DNAH12: variants seen among roughly 807,000 people sequenced by gnomAD.
DNAH12 encodes the protein axonemal beta dynein heavy chain 12.
DNAH12 carries 285 observed loss-of-function variants against 371.5 expected under a neutral mutation model. The observed-to-expected ratio is 0.77, with a 90% CI of 0.70 to 0.85. The LOEUF is 0.85. DNAH12 is among the 40% of genes least tolerant of loss of function. The pLI, the probability that DNAH12 is intolerant of heterozygous loss-of-function variation, is 0.00. For missense variants in DNAH12, 3,611 were observed against 3,689.4 expected (o/e 0.98, Z 0.55); for synonymous variants, 1,200 against 1,213.0 (o/e 0.99, Z 0.22).
At chr3:57,406,126 A>C (rs565518796) in intron 40 of DNAH12, among the ~76,000 whole-genome samples, 174 bp from the exon 41 acceptor site, 346 of 152,216 alleles carry the variant, frequency 2.3e-3, no homozygotes, top group Middle Eastern at 6.8e-3. Context: ...TGAGGTGGGC[A>C]GATCACCTAA....
chr3:57,482,121 A>T (rs910009484), intron 13 of DNAH12, among the ~76,000 whole-genome samples: 28 of 152,354 alleles, frequency 1.8e-4, no homozygotes, highest in Middle Eastern at 3.4e-3. Flanking sequence ...AACTACCATC[A>T]GAGTGAACAG....
chr3:57,472,496 T>C, intron 14 of DNAH12, 50 bp downstream of exon 14: 1 of 1,519,488 alleles, frequency 6.6e-7, no homozygotes, highest in African/African-American at 1.4e-5. Flanking sequence ...ATGTGAATGA[T>C]GTGCTTGAAA....
intron 38 of DNAH12, 79 bp downstream of exon 38, chr3:57,415,343 CTTAT>C (rs1291962470): frequency 8.9e-6 from 13 of 1,467,760 alleles, no homozygotes; most frequent in African/African-American, 5.8e-5. Context: ...TACACAGTTG[CTTAT>C]TTAATGTACA....
At chr3:57,399,207 C>T (rs1278642316) in intron 43 of DNAH12, among the ~76,000 whole-genome samples, 59 of 151,392 alleles carry the variant, frequency 3.9e-4, no homozygotes, top group Non-Finnish European at 1.6e-4. Flanking sequence ...AAAGAATGCC[C>T]CTACAAATAA....
intron 8 of DNAH12, among the ~76,000 whole-genome samples, chr3:57,504,459 G>A (rs907232613): frequency 1.3e-5 from 2 of 151,892 alleles, no homozygotes; most frequent in African/African-American, 4.8e-5. Context: ...TGCCCAGACT[G>A]CAGTGCAGTG....
intron 51 of DNAH12, among the ~76,000 whole-genome samples, chr3:57,380,073 A>G (rs1191036544): frequency 6.6e-6 from 1 of 152,118 alleles, no homozygotes; most frequent in African/African-American, 2.4e-5. Flanking sequence ...ATCTTCTTAA[A>G]TAACTTTTTA....
intron 2 of DNAH12, among the ~76,000 whole-genome samples, chr3:57,525,097 C>T (rs1388163688): frequency 7.7e-5 from 10 of 130,200 alleles, no homozygotes; most frequent in Non-Finnish European, 1.1e-4. Context: ...ACAGGAATGA[C>T]GAAAAACAAC....
chr3:57,496,223 G>A (rs1012049251), intron 11 of DNAH12, among the ~76,000 whole-genome samples: 2 of 151,816 alleles, frequency 1.3e-5, no homozygotes, highest in African/African-American at 4.8e-5. Context: ...AACTTTATGA[G>A]AGACCTTGAG....
chr3:57,502,050 G>A (rs1358679375), intron 10 of DNAH12, among the ~76,000 whole-genome samples: 1 of 152,020 alleles, frequency 6.6e-6, no homozygotes, highest in Non-Finnish European at 1.5e-5. Context: ...GGGACTACAG[G>A]CGCCCGCCAC....
chr3:57,333,711 A>G (rs2062160476), intron 62 of DNAH12, among the ~76,000 whole-genome samples: 1 of 152,212 alleles, frequency 6.6e-6, no homozygotes, highest in Non-Finnish European at 1.5e-5. Flanking sequence ...GATTTGGCCC[A>G]CAGGTGTTTG....
chr3:57,343,558 T>C (rs543031955), intron 60 of DNAH12, among the ~76,000 whole-genome samples: 1 of 152,318 alleles, frequency 6.6e-6, no homozygotes, highest in Non-Finnish European at 1.5e-5. Context: ...TGTCCAAGGT[T>C]TCTCCCCATG....
At chr3:57,428,461 AC>A in intron 34 of DNAH12, 171 bp downstream of exon 34, 1 of 1,534,676 alleles carries the variant, frequency 6.5e-7, no homozygotes, top group Non-Finnish European at 8.8e-7. Flanking sequence ...GAATAATTCA[AC>A]CCCTGAGTTA....
chr3:57,326,986 G>T (rs1280044640), intron 62 of DNAH12, among the ~76,000 whole-genome samples: 5 of 152,070 alleles, frequency 3.3e-5, no homozygotes, highest in Non-Finnish European at 5.9e-5. Context: ...ATGGTAAAGG[G>T]ATCAATTCAA....
upstream of DNAH12, among the ~76,000 whole-genome samples, chr3:57,545,990 C>T (rs903710753): frequency 3.9e-5 from 6 of 152,106 alleles, no homozygotes; most frequent in Non-Finnish European, 4.4e-5. Flanking sequence ...ATTGTAAGTC[C>T]GGCTTCTAGG....
chr3:57,453,541 T>A, intron 23 of DNAH12, 138 bp from the exon 24 acceptor site: 1 of 710,482 alleles, frequency 1.4e-6, no homozygotes, highest in Non-Finnish European at 2.0e-6. Flanking sequence ...GCGTGGTGGC[T>A]CATGCCTAAA....
intron 56 of DNAH12, among the ~76,000 whole-genome samples, chr3:57,367,834 G>A (rs956190189): frequency 6.6e-6 from 1 of 152,112 alleles, no homozygotes; most frequent in Admixed American, 6.6e-5. Flanking sequence ...AGTGGTTAAG[G>A]CAATGAAGAG....
intron 13 of DNAH12, among the ~76,000 whole-genome samples, chr3:57,474,808 TTAGCTGGGTGTGGTGGTGC>T (rs1371857276): frequency 6.6e-6 from 1 of 151,640 alleles, no homozygotes; most frequent in East Asian, 1.9e-4. Context: ...AATACAAAAA[TTAGCTGGGTGTGGTGGTGC>T]TAGCTGGGCG....
chr3:57,363,298 C>T (rs1028241005), intron 58 of DNAH12, among the ~76,000 whole-genome samples: 1 of 152,074 alleles, frequency 6.6e-6, no homozygotes, highest in South Asian at 2.1e-4. Context: ...TAATACCTAT[C>T]TGATACTTGT....
Position 57,507,676 on chromosome 3 carries a change from A to G in DNAH12, c.864T>C (p.Phe288=), listed in dbSNP as rs1333774175. 1 of 1,609,402 alleles carries G rather than the reference A, an allele frequency of 6.2e-7. No homozygotes were observed. Among genetic ancestry groups the G allele is most frequent in the Non-Finnish European group, 8.5e-7 (1 of 1,179,394 alleles). The change falls in exon 8 of 74, where the codon TTT becomes TTC. Residue 288 remains phenylalanine, a synonymous_variant. Coordinates refer to ENST00000495027, the MANE Select transcript of DNAH12 (RefSeq NM_001366028.2). ...ACATAAGTGTGGAAACACAGCTATA[A>G]AATGCATCCAATTTTTCAGGTTTAA... is the stretch of plus-strand genomic sequence containing the variant. ...EGVKPEKLDA[F]YSCVSTLMSN...
Sources: gnomAD v4.1 joint callset for allele counts (sites outside exome capture counted in the v4.1 genomes callset) on GRCh38, gnomAD v4.1.1 for gene constraint, MANE v1.5 for transcripts, NCBI Gene and HGNC (gene_info 2026-07-23, HGNC 2026-07-21) for gene names.